The following FAAH2 variants were observed in gnomAD, a reference collection of about 807,000 sequenced individuals.
FAAH2 encodes the protein fatty-acid amide hydrolase 2.
In FAAH2, 60 loss-of-function variants were observed where a neutral mutation model predicts 36.9. The observed-to-expected ratio is 1.63, with a 90% CI of 1.32 to 2.02. The LOEUF is 2.02. Ranked by LOEUF, FAAH2 falls within the 30% of genes most tolerant of loss-of-function variation. The probability of loss-of-function intolerance (pLI) is 0.00; values close to 1 mark genes in which losing one functional copy is unlikely to be tolerated. For missense variants in FAAH2, 689 were observed against 397.5 expected (o/e 1.73, Z -6.23); for synonymous variants, 214 against 143.8 (o/e 1.49, Z -3.49).
intron 3 of FAAH2, among the ~76,000 whole-genome samples, chrX:57,311,169 A>G (rs1028939950): frequency 1.8e-4 from 20 of 112,224 alleles, no homozygotes; most frequent in South Asian, 3.7e-4. Context: ...TAAACAACGT[A>G]TTTTTAAATA....
At chrX:57,236,643 T>A in the FAAH2 span, among the ~76,000 whole-genome samples, 1 of 112,214 alleles carries the variant, frequency 8.9e-6, no homozygotes, top group Non-Finnish European at 1.9e-5. Flanking sequence ...CCTTTGTATG[T>A]CTTCTTTTAA....
the FAAH2 span, among the ~76,000 whole-genome samples, chrX:57,209,945 G>T: frequency 4.3e-3 from 449 of 104,355 alleles, 5 homozygotes; most frequent in African/African-American, 0.011. Context: ...TAATTATGTG[G>T]TTTTTTTTTT....
the FAAH2 span, among the ~76,000 whole-genome samples, chrX:57,269,258 TA>T: frequency 2.1e-4 from 23 of 111,343 alleles, no homozygotes; most frequent in South Asian, 8.8e-3. Flanking sequence ...AGTCTTAGAC[TA>T]CCACACAATA....
intron 10 of FAAH2, among the ~76,000 whole-genome samples, chrX:57,479,821 C>A (rs1365715940): frequency 2.7e-5 from 3 of 110,771 alleles, no homozygotes; most frequent in African/African-American, 9.9e-5. Flanking sequence ...AGGGATGAAA[C>A]CCACTTGATC....
At chrX:57,399,397 A>G (rs946554856) in intron 7 of FAAH2, among the ~76,000 whole-genome samples, 1 of 111,952 alleles carries the variant, frequency 8.9e-6, no homozygotes, top group African/African-American at 3.3e-5. Flanking sequence ...CTGCAGACAA[A>G]AGTATTTTCC....
chrX:57,327,516 T>C (rs1283248138), intron 3 of FAAH2, among the ~76,000 whole-genome samples: 1 of 109,721 alleles, frequency 9.1e-6, no homozygotes, highest in Non-Finnish European at 1.9e-5. Flanking sequence ...TAGTCCCATA[T>C]TTCTTGGATG....
At chrX:57,216,610 GTA>G in the FAAH2 span, among the ~76,000 whole-genome samples, 6 of 8,661 alleles carry the variant, frequency 6.9e-4, no homozygotes, top group Admixed American at 2.0e-3. Flanking sequence ...ATATATATAC[GTA>G]TATATATATA....
the FAAH2 span, among the ~76,000 whole-genome samples, chrX:57,273,340 T>C: frequency 9.0e-6 from 1 of 111,364 alleles, no homozygotes; most frequent in Non-Finnish European, 1.9e-5. Flanking sequence ...CTGTCAATAT[T>C]AGACAGTTCG....
At chrX:57,339,628 G>T (rs938843939) in intron 4 of FAAH2, among the ~76,000 whole-genome samples, 1 of 112,202 alleles carries the variant, frequency 8.9e-6, no homozygotes, top group African/African-American at 3.2e-5. Context: ...AAACATTAAT[G>T]CAGCCAACAA....
chrX:57,418,793 A>T (rs2055919180), intron 7 of FAAH2, among the ~76,000 whole-genome samples: 1 of 108,711 alleles, frequency 9.2e-6, no homozygotes, highest in South Asian at 4.1e-4. Context: ...ATATGTATAC[A>T]TGTGCCATGC....
intron 7 of FAAH2, among the ~76,000 whole-genome samples, chrX:57,422,667 G>A (rs2147081721): frequency 9.0e-6 from 1 of 111,488 alleles, no homozygotes; most frequent in Admixed American, 9.5e-5. Context: ...CTTCTCTTCT[G>A]CTCCAGGAGG....
chrX:57,473,486 A>G (rs972194315), intron 10 of FAAH2, among the ~76,000 whole-genome samples: 1 of 111,526 alleles, frequency 9.0e-6, no homozygotes, highest in South Asian at 3.7e-4. Context: ...ACAAGTGAGC[A>G]GAATGTATAT....
chrX:57,382,996 T>A (rs1188423352), intron 7 of FAAH2, among the ~76,000 whole-genome samples: 24 of 111,199 alleles, frequency 2.2e-4, no homozygotes, highest in Admixed American at 2.1e-3. Flanking sequence ...GTGGGCTTCA[T>A]CCCTGGGATG....
chrX:57,182,751 A>G, the FAAH2 span, among the ~76,000 whole-genome samples: 1 of 111,663 alleles, frequency 9.0e-6, no homozygotes, highest in African/African-American at 3.3e-5. Flanking sequence ...ATGTATGTTC[A>G]TTGCAGCACT....
At chrX:57,198,286 A>G in the FAAH2 span, among the ~76,000 whole-genome samples, 5 of 111,559 alleles carry the variant, frequency 4.5e-5, no homozygotes, top group East Asian at 1.4e-3. Flanking sequence ...TTCTAAGGCC[A>G]ATAGAGTTTT....
intron 3 of FAAH2, among the ~76,000 whole-genome samples, chrX:57,330,162 G>T (rs758652802): frequency 8.9e-6 from 1 of 112,131 alleles, no homozygotes; most frequent in South Asian, 3.8e-4. Flanking sequence ...GACCACCGGT[G>T]AGCCGGGTGG....
At chrX:57,388,119 G>A (rs770432190) in intron 7 of FAAH2, among the ~76,000 whole-genome samples, 162 of 111,332 alleles carry the variant, frequency 1.5e-3, no homozygotes, top group Non-Finnish European at 2.3e-3. Flanking sequence ...TTTGACTCAG[G>A]AGAATAAAAA....
At chrX:57,177,449 TATAATA>T in the FAAH2 span, among the ~76,000 whole-genome samples, 1 of 103,057 alleles carries the variant, frequency 9.7e-6, no homozygotes, top group Non-Finnish European at 2.0e-5. Flanking sequence ...ACACTTAAAG[TATAATA>T]ATAATAATAA....
intron 5 of FAAH2, among the ~76,000 whole-genome samples, chrX:57,354,900 G>A (rs1039634904): frequency 5.4e-5 from 6 of 110,148 alleles, no homozygotes; most frequent in African/African-American, 2.0e-4. Flanking sequence ...GATATGTCTT[G>A]TGTTCACATT....
Sources: allele counts gnomAD v4.1 joint callset (sites outside exome capture counted in the v4.1 genomes callset), GRCh38; gene constraint gnomAD v4.1.1; transcripts MANE v1.5; gene names NCBI Gene and HGNC (gene_info 2026-07-23, HGNC 2026-07-21).